The following DHX58 variants were observed in gnomAD, a reference collection of about 807,000 sequenced individuals.
DHX58 encodes the protein DExH-box helicase 58.
Under a neutral mutation model 65.0 loss-of-function variants are expected in DHX58, and 51 were observed. That is an observed-to-expected ratio of 0.78 (90% CI 0.63 to 0.99). The LOEUF (loss-of-function observed/expected upper bound fraction) is 0.99. Ranked by LOEUF, DHX58 falls within the 50% of genes least tolerant of loss-of-function variation. DHX58 has a pLI of 0.00. For synonymous variants in DHX58, 350 were observed against 365.0 expected (o/e 0.96, Z 0.47); for missense variants, 773 against 891.8 (o/e 0.87, Z 1.70).
In DHX58 at chr17:42,105,134, C is replaced by T. The variant is rs782217497; in HGVS notation, c.1285G>A (p.Asp429Asn). The T allele has an allele frequency of 6.2e-7, 1 of 1,613,758 alleles. No individual in the cohort carries two copies. The highest frequency in any genetic ancestry group is 1.3e-5 in the African/African-American group (1 of 74,920). The change falls in exon 10 of 14, where the codon GAT becomes AAT. Residue 429 changes from aspartate to asparagine, a missense_variant. Physicochemically the swap from Asp to Asn is conservative, Grantham distance 23 (BLOSUM62 1). Transcript: ENST00000251642. Reference protein sequence around the residue: ...DQQEVIQKFQDGTLNLLVATS... With the variant: ...DQQEVIQKFQNGTLNLLVATS... ...GCCACCAGAAGGTTCAGGGTTCCATCTTGGAACTTCTGGATCACTTCTTGC... is the reference window on the plus strand; with the variant it reads ...GCCACCAGAAGGTTCAGGGTTCCATTTTGGAACTTCTGGATCACTTCTTGC...
intron 6 of DHX58, among the ~76,000 whole-genome samples, chr17:42,108,516 G>A (rs142409719): frequency 4.5e-4 from 68 of 152,350 alleles, no homozygotes; most frequent in Middle Eastern, 6.8e-3. Context: ...CACGGAGCTT[G>A]GTTCAGCTCG....
rs868953659 is a variant in DHX58 at position 42,111,451 on chromosome 17, T to C, written c.215A>G (p.Asp72Gly). The change falls in exon 4 of 14, where the codon GAT becomes GGT. Residue 72 changes from aspartate to glycine, a missense_variant. Asp to Gly is a moderately conservative substitution (Grantham distance 94). Transcript: ENST00000251642. Reference sequence around the variant, plus strand: ...CAGGGTTGTCACGGTCCAGCGTCCATCCAGCATGCGCCTGAACTCTTCACC... The same window carrying C: ...CAGGGTTGTCACGGTCCAGCGTCCACCCAGCATGCGCCTGAACTCTTCACC... ...QHGEEFRRML[D>G]GRWTVTTLSG... 6.2e-7 allele frequency: 1 copy of C among 1,614,150 alleles called. No homozygotes were observed. Among genetic ancestry groups the C allele is most frequent in the Middle Eastern group, 1.6e-4 (1 of 6,062 alleles).
At position 42,109,327 on chromosome 17, in the gene DHX58, C is replaced by G. The variant is rs2144006454; in HGVS notation, c.621G>C (p.Leu207=). Residue 207 remains leucine, a synonymous_variant, in exon 6 of 14, where the codon CTG becomes CTC. Transcript: ENST00000251642. ...TGCAAGGCTGTTGGCTGTGCTCCTGCAGCTGGGGGCAGCAGTTCTGGGGTG... is the reference window on the plus strand; with the variant it reads ...TGCAAGGCTGTTGGCTGTGCTCCTGGAGCTGGGGGCAGCAGTTCTGGGGTG... ...IMSPQNCCPQ[L]QEHSQQPCKQ... 2 of 1,613,766 alleles carry G rather than the reference C, an allele frequency of 1.2e-6. No individual in the cohort carries two copies. The highest frequency in any genetic ancestry group is 1.7e-6 in the Non-Finnish European group (2 of 1,179,854).
At position 42,111,489 on chromosome 17, in the gene DHX58, C is replaced by G; in HGVS notation, c.177G>C (p.Leu59=). 6.2e-7 allele frequency: 1 copy of G among 1,613,898 alleles called. No homozygotes were observed. The highest frequency in any genetic ancestry group is 1.1e-5 in the South Asian group (1 of 91,078). ...TGAACTCTTCACCATGCTGGGTCAC[C>G]AGGTGCACCTGGGGGTGGAGAATGA... ...KVVVLVNRVH[L]VTQHGEEFRR... The change falls in exon 4 of 14, where the codon CTG becomes CTC. Residue 59 remains leucine (L), a synonymous_variant. Coordinates refer to ENST00000251642, the MANE Select transcript of DHX58 (RefSeq NM_024119.3).
chr17:42,104,533 C>A (rs2143989121), intron 11 of DHX58, among the ~76,000 whole-genome samples: 1 of 152,276 alleles, frequency 6.6e-6, no homozygotes, highest in Admixed American at 6.5e-5. Context: ...TATCTCATGG[C>A]AAAGATAAAT....
In DHX58 at chr17:42,105,052, TAA is replaced by T; in HGVS notation, c.1365_1366del (p.Tyr456TrpfsTer6). On this transcript the variant is annotated frameshift_variant, in exon 10 of 14. Coordinates refer to ENST00000251642, the MANE Select transcript of DHX58 (RefSeq NM_024119.3). LOFTEE classifies it high-confidence loss of function. ...GGAGATTTCATTGGTCAAGAGCCCA[TAA>T]CGCACCACCACATTGCAATGTGGGA... 1 of 1,613,696 alleles carries T rather than the reference TAA, an allele frequency of 6.2e-7. No individual in the cohort carries two copies. The highest frequency in any genetic ancestry group is 8.5e-7 in the Non-Finnish European group (1 of 1,179,972).
At chr17:42,110,135 C>T (rs1376414409) in intron 5 of DHX58, among the ~76,000 whole-genome samples, 2 of 149,460 alleles carry the variant, frequency 1.3e-5, no homozygotes, top group Non-Finnish European at 3.0e-5. Flanking sequence ...TGCAGGGAGC[C>T]GAAATCATGC....
At chr17:42,111,938 C>T in intron 2 of DHX58, 45 bp from the exon 3 acceptor site, 2 of 1,572,104 alleles carry the variant, frequency 1.3e-6, no homozygotes, top group Non-Finnish European at 1.7e-6. Context: ...CTCCACCCCT[C>T]CCAACTCCTG....
At position 42,101,829 on chromosome 17, in the gene DHX58, A is replaced by C. The variant is rs781819645; in HGVS notation, c.1969T>G (p.Phe657Val). 1 of 1,614,252 alleles carries C rather than the reference A, an allele frequency of 6.2e-7. No homozygotes were observed. The highest frequency in any genetic ancestry group is 8.5e-7 in the Non-Finnish European group (1 of 1,180,044). ...IQAKKWSRVP[F>V]SVPDFDFLQH... ...AGGAAGTCAAAGTCAGGCACGGAGA[A>C]GGGCACGCGGGACCACTTTTTGGCC... Residue 657 changes from phenylalanine (F) to valine (V), a missense_variant, in exon 14 of 14, where the codon TTC (phenylalanine) becomes GTC (valine). Physicochemically the swap from Phe to Val is conservative, Grantham distance 50. Coordinates refer to ENST00000251642, the MANE Select transcript of DHX58 (RefSeq NM_024119.3).
chr17:42,111,332 TCAGTGCCATCTGCAG>T lies in DHX58; in HGVS notation c.319_333del (p.Leu107_Leu111del). The T allele has an allele frequency of 6.2e-7, 1 of 1,614,050 alleles. No individual in the cohort carries two copies. Among genetic ancestry groups the T allele is most frequent in the South Asian group, 1.1e-5 (1 of 91,088 alleles). The stretch of plus-strand genomic sequence containing the variant: ...ACGTGCTCCTCCTCCTCGGGGCTGG[TCAGTGCCATCTGCAG>T]AAGCTCTGCTGTGCAGATGAGCAGG... On this transcript the variant is annotated inframe_deletion, in exon 4 of 14. Transcript: ENST00000251642.
chr17:42,106,457 G>T (rs1226106666), intron 8 of DHX58, among the ~76,000 whole-genome samples: 1 of 139,394 alleles, frequency 7.2e-6, no homozygotes, highest in African/African-American at 2.6e-5. Context: ...GTGGGGGAAG[G>T]ATGGAACTCC....
intron 13 of DHX58, 81 bp from the exon 14 acceptor site, chr17:42,102,027 T>C (rs1238472349): frequency 1.3e-6 from 2 of 1,496,954 alleles, no homozygotes; most frequent in Non-Finnish European, 1.8e-6. Context: ...ATTCCCTGAA[T>C]ACAGGGCCTT....
intron 9 of DHX58, 21 bp downstream of exon 9, chr17:42,105,715 A>C (rs782139218): frequency 1.3e-6 from 2 of 1,532,954 alleles, no homozygotes; most frequent in Admixed American, 4.1e-5. Context: ...CAGCGCCAGC[A>C]TCTTTCCCCG....
At position 42,108,235 on chromosome 17, in the gene DHX58, C is replaced by A. The variant is rs1175991960; in HGVS notation, c.679-127G>T. 5 of 1,437,524 alleles carry A rather than the reference C, an allele frequency of 3.5e-6. No homozygotes were observed. In the Admixed American group the frequency reaches 1.0e-4, roughly 29 times the overall value. 89.0% of individuals were successfully genotyped at this position (1,437,524 alleles called of 1,614,324 possible). A position where few individuals can be genotyped will look rare whatever the true frequency, so the allele number is the denominator to read the frequency against. ...CCATCTGTCTTAGCTGTGGTGTGAGCTCCAGAGGGAGGCCGGCTAGGGTGT... is the reference window on the plus strand; with the variant it reads ...CCATCTGTCTTAGCTGTGGTGTGAGATCCAGAGGGAGGCCGGCTAGGGTGT... On this transcript the variant is annotated intron_variant, in intron 6 of 13. Transcript: ENST00000251642.
At chr17:42,109,494 G>A (rs998588675) in intron 5 of DHX58, 108 bp from the exon 6 acceptor site, 3 of 883,608 alleles carry the variant, frequency 3.4e-6, no homozygotes, top group South Asian at 1.7e-5. Context: ...GTGGGCATTC[G>A]TCTACTCAAA....
At position 42,104,389 on chromosome 17, in the gene DHX58, T is replaced by A. The variant is rs1891196531; in HGVS notation, c.1563+377A>T. Among the ~76,000 whole-genome samples, 3 of 152,138 alleles carry A rather than the reference T, an allele frequency of 2.0e-5. No homozygotes were observed. The South Asian group carries it at 6.2e-4, about 32-fold the overall frequency. On this transcript the variant is annotated intron_variant, in intron 11 of 13. Transcript: ENST00000251642. The stretch of plus-strand genomic sequence containing the variant: ...AGGGAGCACCCTGGACAAGGCAGGA[T>A]GGTGGTGGCCCTGCCTCAGGGGAAC...
rs868993990 is a variant in DHX58 at position 42,104,681 on chromosome 17, G to A, written c.1563+85C>T. ...CCCCGAGATGTAGAGGGGACAGGGG[G>A]ACGTATGTGTGCAGTCAGAAACCTG... On this transcript the variant is annotated intron_variant, in intron 11 of 13. Coordinates refer to ENST00000251642, the MANE Select transcript of DHX58 (RefSeq NM_024119.3). 8.4e-5 allele frequency: 130 copies of A among 1,540,324 alleles called. 1 individual carries two copies. In the Middle Eastern group the frequency reaches 1.2e-3, roughly 14 times the overall value.
intron 11 of DHX58, among the ~76,000 whole-genome samples, chr17:42,104,500 G>A (rs1376818004): frequency 4.6e-5 from 7 of 152,132 alleles, no homozygotes; most frequent in African/African-American, 4.8e-5. Flanking sequence ...AGGCTGTAAT[G>A]CAGCTCTTCC....
chr17:42,112,058 G>C (rs899171700), intron 2 of DHX58, 55 bp downstream of exon 2: 1 of 845,614 alleles, frequency 1.2e-6, no homozygotes, highest in South Asian at 2.0e-5. Context: ...TGCCCAAAAG[G>C]GGGAGGCGGG....
Sources: allele counts gnomAD v4.1 joint callset (sites outside exome capture counted in the v4.1 genomes callset), GRCh38; gene constraint gnomAD v4.1.1; transcripts MANE v1.5; gene names NCBI Gene and HGNC (gene_info 2026-07-23, HGNC 2026-07-21).